Variants in ESR1 observed in about 807,000 individuals in gnomAD.
The protein encoded by ESR1 is estrogen receptor 1, also known as estrogen receptor.
Under a neutral mutation model 52.7 loss-of-function variants are expected in ESR1, and 12 were observed. That is an observed-to-expected ratio of 0.23 (90% confidence interval 0.15 to 0.37). The LOEUF is 0.37. Among genes scored for constraint, ESR1 ranks in the 10% least tolerant of loss-of-function variants. ESR1 has a pLI of 1.00. For synonymous variants in ESR1, 305 were observed against 316.8 expected (o/e 0.96, Z 0.39); for missense variants, 584 against 779.7 (o/e 0.75, Z 2.99).
At position 151,990,575 on chromosome 6, in the gene ESR1, C is replaced by T. The variant is rs1489019359; in HGVS notation, c.1097-21081C>T. On this transcript the variant is annotated intron_variant, in intron 4 of 7. Transcript: ENST00000206249. Reference sequence around the variant, plus strand: ...ACCTGGACCTGGAACATCTCTTTTGCTCCCATTCCATGGGGAAGAACTAGT... The same window carrying T: ...ACCTGGACCTGGAACATCTCTTTTGTTCCCATTCCATGGGGAAGAACTAGT... Among the ~76,000 whole-genome samples the T allele has an allele frequency of 1.3e-5, 2 of 151,522 alleles. 1 individual carries two copies. Among genetic ancestry groups the T allele is most frequent in the African/African-American group, 4.9e-5 (2 of 40,830 alleles).
At chr6:151,747,077 A>G (rs186706410) in intron 2 of ESR1, among the ~76,000 whole-genome samples, 276 of 152,376 alleles carry the variant, frequency 1.8e-3, no homozygotes, top group Non-Finnish European at 2.7e-3. Context: ...GTCATCTGCA[A>G]AAAATATACA....
chr6:152,003,338 T>TTGTGTGTGTGTG, intron 4 of ESR1, among the ~76,000 whole-genome samples: 2 of 128,690 alleles, frequency 1.6e-5, no homozygotes. Context: ...AAAAGGGTAA[T>TTGTGTGTGTGTG]TATGTGTGTG....
intron 4 of ESR1, among the ~76,000 whole-genome samples, chr6:151,972,320 T>C (rs2038993022): frequency 6.6e-6 from 1 of 152,138 alleles, no homozygotes; most frequent in Non-Finnish European, 1.5e-5. Flanking sequence ...AGTATCACCC[T>C]AATACCAAAA....
chr6:151,825,828 T>C (rs1781381364), intron 1 of ESR1, among the ~76,000 whole-genome samples: 1 of 146,510 alleles, frequency 6.8e-6, no homozygotes, highest in South Asian at 2.2e-4. Flanking sequence ...GGAGAATCAC[T>C]TGGACCCAGG....
At chr6:151,779,469 C>T (rs1240578521) in intron 2 of ESR1, among the ~76,000 whole-genome samples, 1 of 152,128 alleles carries the variant, frequency 6.6e-6, no homozygotes, top group Non-Finnish European at 1.5e-5. Context: ...ATCAAAACCA[C>T]AATGAGATAC....
At chr6:151,783,485 T>C (rs144743316) in intron 2 of ESR1, among the ~76,000 whole-genome samples, 1,572 of 152,372 alleles carry the variant, frequency 0.01, 14 homozygotes, top group Middle Eastern at 0.051. Context: ...AGTAGTCTAA[T>C]ACAGAGTGGT....
At chr6:151,970,842 G>T in intron 4 of ESR1, among the ~76,000 whole-genome samples, 1 of 152,100 alleles carries the variant, frequency 6.6e-6, no homozygotes, top group African/African-American at 2.4e-5. Context: ...CCTTCAGAGT[G>T]CCCATTTCTG....
At position 151,834,793 on chromosome 6, in the gene ESR1, G is replaced by A. The variant is rs7757923; in HGVS notation, c.453-7804G>A. On this transcript the variant is annotated intron_variant, in intron 1 of 7. Coordinates refer to ENST00000206249, the MANE Select transcript of ESR1 (RefSeq NM_000125.4). Reference sequence around the variant, plus strand: ...TGAGAAAGCCAGGCAGGGAGAAGGCGCTGAGACAGGGAGGTCCTGGATGTG... The same window carrying A: ...TGAGAAAGCCAGGCAGGGAGAAGGCACTGAGACAGGGAGGTCCTGGATGTG... Among the ~76,000 whole-genome samples the A allele has an allele frequency of 6.2e-3, 949 of 152,222 alleles. 11 individuals are homozygous for A. Among genetic ancestry groups the A allele is most frequent in the African/African-American group, 0.022 (914 of 41,534 alleles).
chr6:152,031,772 C>A (rs1482509853), intron 5 of ESR1, among the ~76,000 whole-genome samples: 1 of 152,174 alleles, frequency 6.6e-6, no homozygotes, highest in Non-Finnish European at 1.5e-5. Flanking sequence ...AAGAGGGAAT[C>A]CTCCCTAACT....
chr6:151,906,154 A>G (rs1350412038), intron 3 of ESR1, among the ~76,000 whole-genome samples: 1 of 152,188 alleles, frequency 6.6e-6, no homozygotes, highest in Non-Finnish European at 1.5e-5. Flanking sequence ...ATTAAGAACT[A>G]TGAGATATTT....
At chr6:151,893,464 TA>T (rs1352997561) in intron 3 of ESR1, among the ~76,000 whole-genome samples, 2 of 151,538 alleles carry the variant, frequency 1.3e-5, no homozygotes, top group African/African-American at 4.8e-5. Context: ...TAGGTGATTA[TA>T]TTTTTTATAT....
At chr6:152,030,464 CA>C (rs1562696111) in intron 5 of ESR1, among the ~76,000 whole-genome samples, 1 of 151,466 alleles carries the variant, frequency 6.6e-6, no homozygotes, top group Non-Finnish European at 1.5e-5. Flanking sequence ...AAATGGAAAA[CA>C]AAAAAAGGCA....
intron 2 of ESR1, among the ~76,000 whole-genome samples, chr6:151,714,946 A>G (rs1031898960): frequency 1.1e-4 from 17 of 152,176 alleles, no homozygotes; most frequent in African/African-American, 3.6e-4. Flanking sequence ...GGTCTTTACA[A>G]TTTGGTATGT....
intron 4 of ESR1, among the ~76,000 whole-genome samples, chr6:152,008,856 A>G (rs536125632): frequency 3.3e-5 from 5 of 152,238 alleles, no homozygotes; most frequent in Admixed American, 1.3e-4. Flanking sequence ...TATGAGACTT[A>G]ACCTAAAAAA....
At chr6:151,871,051 A>G (rs896882389) in intron 2 of ESR1, among the ~76,000 whole-genome samples, 3 of 151,784 alleles carry the variant, frequency 2.0e-5, no homozygotes, top group Admixed American at 6.6e-5. Context: ...GGGTCTTGCT[A>G]TGTTGCCCAG....
intron 2 of ESR1, 51 bp downstream of exon 2, chr6:151,842,838 T>G (rs1380442740): frequency 1.3e-6 from 2 of 1,542,826 alleles, no homozygotes; most frequent in African/African-American, 2.7e-5. Context: ...GAGCAGATCC[T>G]AAGAGCCAAA....
intron 3 of ESR1, among the ~76,000 whole-genome samples, chr6:151,927,512 A>T (rs2032940867): frequency 6.6e-6 from 1 of 152,126 alleles, no homozygotes; most frequent in South Asian, 2.1e-4. Flanking sequence ...CAATATATTT[A>T]ATATATATAG....
intron 3 of ESR1, among the ~76,000 whole-genome samples, chr6:151,888,386 G>A (rs987884572): frequency 2.6e-5 from 4 of 151,458 alleles, no homozygotes; most frequent in African/African-American, 7.3e-5. Context: ...TCACTTCCTT[G>A]GTTAAATTTA....
chr6:152,097,819 C>T (rs879624579), intron 7 of ESR1, among the ~76,000 whole-genome samples: 1 of 152,140 alleles, frequency 6.6e-6, no homozygotes, highest in Non-Finnish European at 1.5e-5. Context: ...CAGGATAAAG[C>T]CTGCTTCTCT....
Sources: allele counts gnomAD v4.1 joint callset (sites outside exome capture counted in the v4.1 genomes callset), GRCh38; gene constraint gnomAD v4.1.1; transcripts MANE v1.5; gene names NCBI Gene and HGNC (gene_info 2026-07-23, HGNC 2026-07-21).